The following INHBC variants were observed in gnomAD, a reference collection of about 807,000 sequenced individuals.
The protein encoded by INHBC is inhibin subunit beta C.
In INHBC, 10 loss-of-function variants were observed where a neutral mutation model predicts 12.4. The ratio of observed to expected loss-of-function variants is 0.81; its 90% confidence interval spans 0.50 to 1.37. The LOEUF (loss-of-function observed/expected upper bound fraction) is 1.37, where lower values mean the gene tolerates loss of function less well. Ranked by LOEUF, INHBC falls within the 40% of genes most tolerant of loss-of-function variation. INHBC has a pLI of 0.00. For synonymous variants in INHBC, 147 were observed against 171.6 expected, an observed-to-expected ratio of 0.86 and a Z score of 1.12; for missense variants, 382 against 439.4, an observed-to-expected ratio of 0.87 and a Z score of 1.17.
chr12:57,449,579 GC>G lies in INHBC; in HGVS notation c.619del (p.Gln207ArgfsTer19). On this transcript the variant is annotated frameshift_variant, in exon 2 of 2. Coordinates refer to ENST00000309668, the MANE Select transcript of INHBC (RefSeq NM_005538.4). LOFTEE classifies it high-confidence loss of function. ...TLELVLEGQV[A>X]QSSVILGGAA... ...GGAGCTGGTACTTGAAGGCCAGGTA[GC>G]CCAGAGCTCAGTCATCCTGGGTGGA... 2 of 1,614,256 alleles carry G rather than the reference GC, an allele frequency of 1.2e-6. No individual in the cohort carries two copies. The highest frequency in any genetic ancestry group is 2.2e-5 in the East Asian group (1 of 44,890).
rs1298536 is a variant in INHBC at position 57,445,720 on chromosome 12, G to T, written c.314-3557G>T. The stretch of plus-strand genomic sequence containing the variant: ...TCTGGGTAACATAGTGAGACCCCCC[G>T]CCCATCTCCATGTAAATTTTTTTTT... On this transcript the variant is annotated intron_variant, in intron 1 of 1. Transcript: ENST00000309668. Among the ~76,000 whole-genome samples, 626 of 136,708 alleles carry T rather than the reference G, an allele frequency of 4.6e-3. 24 individuals carry two copies. Among genetic ancestry groups the T allele is most frequent in the African/African-American group, 0.016 (587 of 36,286 alleles). The allele number at this position is 136,708 out of a possible 152,430, so 89.7% of individuals were successfully genotyped here. A position where few individuals can be genotyped will look rare whatever the true frequency, so the allele number is the denominator to read the frequency against.
At chr12:57,437,993 C>T (rs1046481456) in intron 1 of INHBC, among the ~76,000 whole-genome samples, 3 of 152,036 alleles carry the variant, frequency 2.0e-5, no homozygotes, top group Non-Finnish European at 2.9e-5. Flanking sequence ...ACCATGTTGG[C>T]CAGGCTGGTC....
intron 1 of INHBC, among the ~76,000 whole-genome samples, chr12:57,447,924 A>T (rs12317092): frequency 0.039 from 3,172 of 80,742 alleles, 125 homozygotes; most frequent in Admixed American, 0.067. Flanking sequence ...TATATATATA[A>T]AATATATGTG....
intron 1 of INHBC, among the ~76,000 whole-genome samples, chr12:57,444,379 A>G (rs533783125): frequency 6.6e-6 from 1 of 152,058 alleles, no homozygotes; most frequent in Non-Finnish European, 1.5e-5. Context: ...CGTCTCTACT[A>G]AAAATACAAA....
intron 1 of INHBC, among the ~76,000 whole-genome samples, chr12:57,445,722 C>G (rs1021710044): frequency 2.0e-5 from 3 of 146,782 alleles, no homozygotes; most frequent in Admixed American, 6.8e-5. Flanking sequence ...GACCCCCCGC[C>G]CATCTCCATG....
chr12:57,444,778 A>T (rs1438021468), intron 1 of INHBC, among the ~76,000 whole-genome samples: 1 of 152,050 alleles, frequency 6.6e-6, no homozygotes, highest in African/African-American at 2.4e-5. Flanking sequence ...TCCTGGGCTC[A>T]AGTGATTCTC....
At chr12:57,448,897 T>A (rs1360036506) in intron 1 of INHBC, among the ~76,000 whole-genome samples, 2 of 152,224 alleles carry the variant, frequency 1.3e-5, no homozygotes, top group African/African-American at 4.8e-5. Context: ...TTCTGGTGGC[T>A]GGGAAGTCCA....
At chr12:57,440,476 G>A (rs1870440609) in intron 1 of INHBC, among the ~76,000 whole-genome samples, 1 of 151,806 alleles carries the variant, frequency 6.6e-6, no homozygotes, top group African/African-American at 2.4e-5. Flanking sequence ...GGGACTACAG[G>A]TGCACACCAC....
At chr12:57,445,046 C>T (rs1230078276) in intron 1 of INHBC, among the ~76,000 whole-genome samples, 4 of 151,978 alleles carry the variant, frequency 2.6e-5, no homozygotes, top group East Asian at 3.9e-4. Context: ...ACATCTGAGC[C>T]GAATGCCAAA....
intron 1 of INHBC, among the ~76,000 whole-genome samples, chr12:57,436,603 C>T (rs190677201): frequency 1.5e-3 from 228 of 151,772 alleles, no homozygotes; most frequent in African/African-American, 5.3e-3. Flanking sequence ...ACCTCAGCCT[C>T]CCAAGTAGCT....
rs542033409 is a variant in INHBC, at chr12:57,441,337, A to G, written c.313+6138A>G. ...CCATTGCACTCCAGCCTGGGCAACA[A>G]GAGTGAAATTCCATCTCAAAAAAAA... On this transcript the variant is annotated intron_variant, in intron 1 of 1. Coordinates refer to ENST00000309668, the MANE Select transcript of INHBC (RefSeq NM_005538.4). 1.6e-4 allele frequency among the ~76,000 whole-genome samples: 22 copies of G among 134,406 alleles called. No individual in the cohort carries two copies. In the South Asian group the frequency reaches 5.3e-3, roughly 32 times the overall value. 88.2% of individuals were successfully genotyped at this position (134,406 alleles called of 152,430 possible). A position where few individuals can be genotyped will look rare whatever the true frequency, so the allele number is the denominator to read the frequency against.
In INHBC at chr12:57,443,815, G is replaced by A. The variant is rs533990357; in HGVS notation, c.314-5462G>A. 3.9e-5 allele frequency among the ~76,000 whole-genome samples: 6 copies of A among 152,002 alleles called. No homozygotes were observed. The East Asian group carries it at 1.2e-3, about 30-fold the overall frequency. ...TTTGTTTGTTTGTTTTTGAGACAGA[G>A]TCTGGCTCTGTCACCCAGGCTGGAG... On this transcript the variant is annotated intron_variant, in intron 1 of 1. Transcript: ENST00000309668.
intron 1 of INHBC, among the ~76,000 whole-genome samples, chr12:57,448,567 TAAA>T (rs10577805): frequency 0.43 from 52,146 of 121,590 alleles, 11,236 homozygotes; most frequent in South Asian, 0.54. Context: ...AGACTCCGTC[TAAA>T]AAAAAAAAAA....
At chr12:57,435,542 A>T (rs1420141218) in intron 1 of INHBC, among the ~76,000 whole-genome samples, 1 of 152,172 alleles carries the variant, frequency 6.6e-6, no homozygotes, top group Admixed American at 6.5e-5. Context: ...AGCGACTGGG[A>T]GGTGGGAGTC....
chr12:57,443,007 AG>A, intron 1 of INHBC, among the ~76,000 whole-genome samples: 2 of 151,660 alleles, frequency 1.3e-5, no homozygotes, highest in Non-Finnish European at 2.9e-5. Context: ...AAAAAAAAAA[AG>A]AACCTTATTC....
intron 1 of INHBC, among the ~76,000 whole-genome samples, chr12:57,446,075 C>G (rs1322763865): frequency 6.6e-6 from 1 of 151,942 alleles, no homozygotes; most frequent in Non-Finnish European, 1.5e-5. Flanking sequence ...GCTGGGATTA[C>G]AGGCATGTGC....
intron 1 of INHBC, among the ~76,000 whole-genome samples, chr12:57,444,128 A>G (rs1870525315): frequency 6.6e-6 from 1 of 152,182 alleles, no homozygotes. Context: ...CTTACTAAAT[A>G]CCAAGTACTA....
chr12:57,438,209 T>C (rs1323769659), intron 1 of INHBC, among the ~76,000 whole-genome samples: 1 of 152,138 alleles, frequency 6.6e-6, no homozygotes, highest in Non-Finnish European at 1.5e-5. Flanking sequence ...ATGGGGATAA[T>C]AAGAGGATAG....
chr12:57,446,156 G>A (rs1205987036), intron 1 of INHBC, among the ~76,000 whole-genome samples: 2 of 151,806 alleles, frequency 1.3e-5, no homozygotes, highest in African/African-American at 4.8e-5. Flanking sequence ...GGTTGGTCTC[G>A]AACTCCTGAC....
Sources: allele counts gnomAD v4.1 joint callset (sites outside exome capture counted in the v4.1 genomes callset), GRCh38; gene constraint gnomAD v4.1.1; transcripts MANE v1.5; gene names NCBI Gene and HGNC (gene_info 2026-07-23, HGNC 2026-07-21).